The following GABRB1 variants were observed in gnomAD, a reference collection of about 807,000 sequenced individuals.
GABRB1 encodes the protein gamma-aminobutyric acid receptor subunit beta-1.
A neutral mutation model predicts 51.6 loss-of-function variants in GABRB1; 17 were observed. That is an observed-to-expected ratio of 0.33 (90% CI 0.23 to 0.49). The LOEUF is 0.49. GABRB1 is among the 20% of genes least tolerant of loss of function. GABRB1 has a pLI of 0.99. For missense variants in GABRB1, 410 were observed against 600.6 expected (o/e 0.68, Z 3.32); for synonymous variants, 247 against 218.9 (o/e 1.13, Z -1.14).
chr4:47,300,835 T>G lies in GABRB1; in HGVS notation c.462-19292T>G, dbSNP rs548970112. Among the ~76,000 whole-genome samples, 5 of 152,274 alleles carry G rather than the reference T, an allele frequency of 3.3e-5. No individual in the cohort carries two copies. In the South Asian group the frequency reaches 1.0e-3, roughly 32 times the overall value. On this transcript the variant is annotated intron_variant, in intron 4 of 8. Transcript: ENST00000295454. ...ATTCCACTGAATACAAGATTCTTAA[T>G]TGATTTAAGCTCAAAATGGACAAAG...
intron 4 of GABRB1, among the ~76,000 whole-genome samples, chr4:47,228,006 T>C (rs1431197469): frequency 6.6e-6 from 1 of 152,156 alleles, no homozygotes; most frequent in Non-Finnish European, 1.5e-5. Flanking sequence ...GGCCCTAGCT[T>C]CAAATACAGT....
chr4:46,994,661 T>G (rs1284684583), intron 1 of GABRB1, among the ~76,000 whole-genome samples: 1 of 152,166 alleles, frequency 6.6e-6, no homozygotes, highest in East Asian at 1.9e-4. Context: ...TGAGCAAAGA[T>G]AAGCATTCCC....
intron 3 of GABRB1, among the ~76,000 whole-genome samples, chr4:47,049,992 A>G (rs2109505327): frequency 6.6e-6 from 1 of 152,300 alleles, no homozygotes; most frequent in East Asian, 1.9e-4. Flanking sequence ...ATCTTGCTGT[A>G]TTTGTTCATC....
At chr4:47,097,797 A>G in intron 3 of GABRB1, among the ~76,000 whole-genome samples, 1 of 152,194 alleles carries the variant, frequency 6.6e-6, no homozygotes, top group East Asian at 1.9e-4. Context: ...TGACCTAGGT[A>G]TAAGTCACTT....
intron 4 of GABRB1, among the ~76,000 whole-genome samples, chr4:47,233,619 T>C (rs767767975): frequency 1.2e-4 from 18 of 152,208 alleles, no homozygotes; most frequent in Non-Finnish European, 1.6e-4. Context: ...TGTCCTTATA[T>C]ATGTAAGTGT....
intron 1 of GABRB1, among the ~76,000 whole-genome samples, chr4:47,017,785 C>T (rs1033700269): frequency 2.0e-5 from 3 of 152,122 alleles, no homozygotes; most frequent in Admixed American, 6.5e-5. Flanking sequence ...AAATTTTGCT[C>T]ACTGCTTTGA....
chr4:47,064,563 GGGAGGA>G (rs1201553455), intron 3 of GABRB1, among the ~76,000 whole-genome samples: 1 of 150,844 alleles, frequency 6.6e-6, no homozygotes, highest in Non-Finnish European at 1.5e-5. Context: ...GCTTGAACCA[GGGAGGA>G]GGAGGTTGCA....
chr4:47,006,443 C>T (rs908431686), intron 1 of GABRB1, among the ~76,000 whole-genome samples: 4 of 152,144 alleles, frequency 2.6e-5, no homozygotes, highest in Non-Finnish European at 4.4e-5. Flanking sequence ...GAACTATTTT[C>T]TTTTATAGGT....
chr4:47,147,490 C>G (rs1209089015), intron 3 of GABRB1, among the ~76,000 whole-genome samples: 1 of 152,080 alleles, frequency 6.6e-6, no homozygotes, highest in African/African-American at 2.4e-5. Flanking sequence ...CAGGCCCTGC[C>G]CTCAACACTG....
intron 8 of GABRB1, among the ~76,000 whole-genome samples, chr4:47,418,476 G>A (rs1041987938): frequency 7.2e-5 from 11 of 152,060 alleles, no homozygotes; most frequent in Admixed American, 5.9e-4. Flanking sequence ...CCACATTATC[G>A]AGGGTAATCT....
chr4:47,391,533 C>A (rs114154196), intron 5 of GABRB1, among the ~76,000 whole-genome samples: 1 of 152,302 alleles, frequency 6.6e-6, no homozygotes, highest in Non-Finnish European at 1.5e-5. Flanking sequence ...TGTTTCTCAC[C>A]TAGGATCTTA....
chr4:47,376,503 C>G (rs895942220), intron 5 of GABRB1, among the ~76,000 whole-genome samples: 10 of 152,228 alleles, frequency 6.6e-5, no homozygotes, highest in Admixed American at 5.2e-4. Context: ...AAAAATTAGC[C>G]GGGCCTAGTG....
At chr4:46,998,604 G>A (rs895187904) in intron 1 of GABRB1, among the ~76,000 whole-genome samples, 2 of 151,796 alleles carry the variant, frequency 1.3e-5, no homozygotes, top group Non-Finnish European at 2.9e-5. Flanking sequence ...CGTGGTGGCA[G>A]GAGCCTGTAG....
chr4:47,112,707 A>G (rs933498172), intron 3 of GABRB1, among the ~76,000 whole-genome samples: 4 of 152,092 alleles, frequency 2.6e-5, no homozygotes, highest in Admixed American at 2.0e-4. Flanking sequence ...ATGAATCTTT[A>G]TTAAGTGCCT....
At chr4:47,149,540 C>G (rs990626288) in intron 3 of GABRB1, among the ~76,000 whole-genome samples, 1 of 151,936 alleles carries the variant, frequency 6.6e-6, no homozygotes, top group African/African-American at 2.4e-5. Flanking sequence ...ATTCCTAATG[C>G]CACATGTCAT....
chr4:47,019,514 T>G (rs1724844596), intron 1 of GABRB1, among the ~76,000 whole-genome samples: 1 of 151,406 alleles, frequency 6.6e-6, no homozygotes, highest in Non-Finnish European at 1.5e-5. Context: ...TTCTGGAGGC[T>G]GAAAGTCCAA....
At chr4:47,424,584 G>A (rs1355649447) in intron 8 of GABRB1, among the ~76,000 whole-genome samples, 2 of 152,016 alleles carry the variant, frequency 1.3e-5, no homozygotes, top group African/African-American at 4.8e-5. Context: ...AGTGTGTTAA[G>A]TGTTTACTAA....
chr4:47,139,405 A>G (rs1473016432), intron 3 of GABRB1, among the ~76,000 whole-genome samples: 2 of 152,126 alleles, frequency 1.3e-5, no homozygotes, highest in East Asian at 3.9e-4. Flanking sequence ...ATTCACCTCT[A>G]TTTCTCCATC....
chr4:47,335,273 A>G (rs1725654714), intron 5 of GABRB1, among the ~76,000 whole-genome samples: 1 of 152,064 alleles, frequency 6.6e-6, no homozygotes, highest in Non-Finnish European at 1.5e-5. Context: ...ATATATATAT[A>G]TAAGTGTTTT....
Sources: allele counts gnomAD v4.1 joint callset (sites outside exome capture counted in the v4.1 genomes callset), GRCh38; gene constraint gnomAD v4.1.1; transcripts MANE v1.5; gene names NCBI Gene and HGNC (gene_info 2026-07-23, HGNC 2026-07-21).